The following AHCYL2 variants were observed in gnomAD, a reference collection of about 807,000 sequenced individuals.
AHCYL2 encodes adenosylhomocysteinase like 2.
AHCYL2 carries 28 observed loss-of-function variants against 81.4 expected under a neutral mutation model. The ratio of observed to expected loss-of-function variants is 0.34; its 90% confidence interval spans 0.25 to 0.47. The LOEUF (loss-of-function observed/expected upper bound fraction) is 0.47, where lower values mean the gene tolerates loss of function less well. Among genes scored for constraint, AHCYL2 ranks in the 20% least tolerant of loss-of-function variants. AHCYL2 has a pLI of 1.00. For synonymous variants in AHCYL2, 272 were observed against 290.2 expected (o/e 0.94, Z 0.64); for missense variants, 551 against 785.1 (o/e 0.70, Z 3.56).
Position 129,289,340 on chromosome 7 carries a change from C to T in AHCYL2, c.363+63901C>T, listed in dbSNP as rs150728271. On this transcript the variant is annotated intron_variant, in intron 1 of 16. Coordinates refer to ENST00000325006, the MANE Select transcript of AHCYL2 (RefSeq NM_015328.4). Reference sequence around the variant, plus strand: ...CTCCTGGGTTCAAGCAGTCCTCTTGCCTTGGCCTCTCCGAGTGTTGAGATT... The same window carrying T: ...CTCCTGGGTTCAAGCAGTCCTCTTGTCTTGGCCTCTCCGAGTGTTGAGATT... Among the ~76,000 whole-genome samples the T allele has an allele frequency of 3.9e-5, 6 of 152,344 alleles. No homozygotes were observed. The East Asian group carries it at 1.2e-3, about 29-fold the overall frequency.
chr7:129,319,882 G>C (rs1797955005), intron 1 of AHCYL2, among the ~76,000 whole-genome samples: 1 of 152,092 alleles, frequency 6.6e-6, no homozygotes, highest in African/African-American at 2.4e-5. Context: ...CCGTGAACAA[G>C]TCTTTGTATA....
intron 1 of AHCYL2, among the ~76,000 whole-genome samples, chr7:129,370,836 A>G (rs1456873052): frequency 1.3e-5 from 2 of 152,242 alleles, no homozygotes; most frequent in African/African-American, 4.8e-5. Flanking sequence ...CAGTATTTTG[A>G]ACAGCAATAA....
intron 1 of AHCYL2, among the ~76,000 whole-genome samples, chr7:129,314,728 A>C (rs1009539016): frequency 2.0e-5 from 3 of 152,146 alleles, no homozygotes; most frequent in African/African-American, 7.2e-5. Context: ...TTGGGATGGG[A>C]GTGGGGTGGG....
In AHCYL2 at chr7:129,429,174, C is replaced by T. The variant is rs1297601196; in HGVS notation, c.*2129C>T. The T allele has an allele frequency of 6.6e-6, 1 of 152,222 alleles. No individual in the cohort carries two copies. Among genetic ancestry groups the T allele is most frequent in the East Asian group, 1.9e-4 (1 of 5,198 alleles). The allele number at this position is 152,222 out of a possible 1,614,324, so 9.4% of individuals were successfully genotyped here. A position where few individuals can be genotyped will look rare whatever the true frequency, so the allele number is the denominator to read the frequency against. Reference sequence around the variant, plus strand: ...CCCACTCCAAATAAAAAAGGGGCCACACGGGGCTTCTAAGTTAGGTTGCCA... The same window carrying T: ...CCCACTCCAAATAAAAAAGGGGCCATACGGGGCTTCTAAGTTAGGTTGCCA... On this transcript the variant is annotated 3_prime_UTR_variant, in exon 17 of 17. Transcript: ENST00000325006.
intron 1 of AHCYL2, among the ~76,000 whole-genome samples, chr7:129,249,218 G>A (rs895543130): frequency 6.6e-6 from 1 of 151,810 alleles, no homozygotes; most frequent in South Asian, 2.1e-4. Context: ...GGCTAGTGTC[G>A]AACTCCTAGA....
chr7:129,378,535 G>T (rs531522078), intron 1 of AHCYL2, among the ~76,000 whole-genome samples: 3 of 152,140 alleles, frequency 2.0e-5, no homozygotes, highest in Non-Finnish European at 4.4e-5. Context: ...TATCTCTGTT[G>T]TATTTATGGA....
intron 1 of AHCYL2, among the ~76,000 whole-genome samples, chr7:129,274,235 G>T (rs1796119185): frequency 6.6e-6 from 1 of 152,144 alleles, no homozygotes; most frequent in African/African-American, 2.4e-5. Context: ...TTGTATGTTT[G>T]TATGTTGGGT....
At chr7:129,328,667 G>A (rs1363588473) in intron 1 of AHCYL2, among the ~76,000 whole-genome samples, 2 of 151,858 alleles carry the variant, frequency 1.3e-5, no homozygotes, top group Non-Finnish European at 2.9e-5. Context: ...TGTATTTTTA[G>A]TAGAGATAGG....
chr7:129,384,679 G>A (rs1042637064), intron 2 of AHCYL2, among the ~76,000 whole-genome samples: 9 of 152,258 alleles, frequency 5.9e-5, no homozygotes, highest in African/African-American at 2.2e-4. Flanking sequence ...ACTAAGTTTT[G>A]CCATGCTTTC....
chr7:129,227,287 C>G (rs184159312), intron 1 of AHCYL2, among the ~76,000 whole-genome samples: 104 of 151,812 alleles, frequency 6.9e-4, no homozygotes, highest in Middle Eastern at 6.8e-3. Context: ...GTGCAAGCCC[C>G]CATGACCACC....
At chr7:129,237,622 C>T (rs945026957) in intron 1 of AHCYL2, among the ~76,000 whole-genome samples, 1 of 151,754 alleles carries the variant, frequency 6.6e-6, no homozygotes, top group African/African-American at 2.4e-5. Context: ...AATGATATCT[C>T]GGATACATGT....
chr7:129,233,188 C>G (rs987486298), intron 1 of AHCYL2, among the ~76,000 whole-genome samples: 2 of 152,088 alleles, frequency 1.3e-5, no homozygotes, highest in African/African-American at 4.8e-5. Context: ...GTCTCTTTCT[C>G]TTTTCTTTTT....
chr7:129,377,795 G>A (rs1047639136), intron 1 of AHCYL2, among the ~76,000 whole-genome samples: 1 of 152,198 alleles, frequency 6.6e-6, no homozygotes, highest in South Asian at 2.1e-4. Context: ...CCTTTGATTT[G>A]TAGAGTATTA....
intron 1 of AHCYL2, 52 bp from the exon 2 acceptor site, chr7:129,379,586 G>A (rs981479940): frequency 4.3e-6 from 6 of 1,405,612 alleles, no homozygotes; most frequent in Middle Eastern, 1.8e-4. Context: ...TTGAATTGCT[G>A]TCTCAAAATG....
At chr7:129,254,736 T>C (rs193025378) in intron 1 of AHCYL2, among the ~76,000 whole-genome samples, 1 of 152,322 alleles carries the variant, frequency 6.6e-6, no homozygotes, top group Admixed American at 6.5e-5. Flanking sequence ...ACAAGTTTCA[T>C]TTCAGAGAAG....
intron 4 of AHCYL2, among the ~76,000 whole-genome samples, chr7:129,394,606 C>T (rs1329458144): frequency 6.6e-6 from 1 of 151,974 alleles, no homozygotes; most frequent in Admixed American, 6.6e-5. Context: ...TGGCACCAAG[C>T]AGCTAATTTT....
chr7:129,365,628 G>GTA (rs10526470), intron 1 of AHCYL2, among the ~76,000 whole-genome samples: 4,938 of 124,166 alleles, frequency 0.04, 413 homozygotes, highest in African/African-American at 0.072. Flanking sequence ...GGAGGATAGA[G>GTA]TATATATATA....
At chr7:129,241,859 T>C (rs1794868426) in intron 1 of AHCYL2, among the ~76,000 whole-genome samples, 1 of 152,014 alleles carries the variant, frequency 6.6e-6, no homozygotes, top group African/African-American at 2.4e-5. Context: ...CTCTATTTTT[T>C]TTAAAAAAGG....
chr7:129,329,767 C>T (rs1372882893), intron 1 of AHCYL2, among the ~76,000 whole-genome samples: 4 of 152,070 alleles, frequency 2.6e-5, no homozygotes, highest in South Asian at 2.1e-4. Flanking sequence ...GCAGATAAGA[C>T]GTATAAGGTA....
Sources: allele counts gnomAD v4.1 joint callset (sites outside exome capture counted in the v4.1 genomes callset), GRCh38; gene constraint gnomAD v4.1.1; transcripts MANE v1.5; gene names NCBI Gene and HGNC (gene_info 2026-07-23, HGNC 2026-07-21).